Variants in LAMP3 observed in about 807,000 individuals in gnomAD.
The protein encoded by LAMP3 is lysosome associated membrane protein 3.
LAMP3 carries 26 observed loss-of-function variants against 34.8 expected under a neutral mutation model. The observed-to-expected ratio is 0.75, with a 90% CI of 0.55 to 1.04. The LOEUF is 1.04. Among genes scored for constraint, LAMP3 ranks in the 50% least tolerant of loss-of-function variants. The pLI is 0.00. For missense variants in LAMP3, 495 were observed against 524.0 expected (o/e 0.94, Z 0.54); for synonymous variants, 180 against 201.9 (o/e 0.89, Z 0.92).
chr3:183,151,292 G>A (rs532967839), intron 3 of LAMP3, among the ~76,000 whole-genome samples: 103 of 152,292 alleles, frequency 6.8e-4, no homozygotes, highest in African/African-American at 2.4e-3. Flanking sequence ...TGAGGCAAGC[G>A]GGGGCAAGTC....
chr3:183,139,638 C>T (rs551488), intron 4 of LAMP3, among the ~76,000 whole-genome samples: 94,422 of 152,028 alleles, frequency 0.62, 31,115 homozygotes, highest in Non-Finnish European at 0.74. Context: ...TGTCACACTA[C>T]AAAAAAGTGA....
At chr3:183,131,334 T>C (rs1433838104) in intron 5 of LAMP3, among the ~76,000 whole-genome samples, 1 of 152,214 alleles carries the variant, frequency 6.6e-6, no homozygotes, top group Non-Finnish European at 1.5e-5. Context: ...GGCTGGTGAA[T>C]AAACACCTTG....
intron 5 of LAMP3, among the ~76,000 whole-genome samples, chr3:183,127,308 C>A (rs583620): frequency 0.9 from 136,216 of 152,072 alleles, 61,232 homozygotes; most frequent in Middle Eastern, 0.94. Context: ...TACTTTTTAA[C>A]TTTTTTGAAG....
intron 3 of LAMP3, among the ~76,000 whole-genome samples, chr3:183,144,580 A>T (rs992546415): frequency 1.3e-5 from 2 of 152,178 alleles, no homozygotes; most frequent in African/African-American, 2.4e-5. Flanking sequence ...CATGGAAAGT[A>T]CAGATCACTT....
rs550641853 is a variant in LAMP3 at position 183,161,654 on chromosome 3, G to T, written c.49+953C>A. On this transcript the variant is annotated intron_variant, in intron 1 of 5. Coordinates refer to ENST00000265598, the MANE Select transcript of LAMP3 (RefSeq NM_014398.4). ...TCCGCCGGCCTCAGCCTCCCAAAGT[G>T]CTGGGATTGCAGGTGTGAGCCACCA... Among the ~76,000 whole-genome samples the T allele has an allele frequency of 3.9e-5, 6 of 152,268 alleles. No individual in the cohort carries two copies. The East Asian group carries it at 5.8e-4, about 15-fold the overall frequency.
At chr3:183,163,363 C>A (rs1423272045), upstream of LAMP3, among the ~76,000 whole-genome samples, 1 of 150,910 alleles carries the variant, frequency 6.6e-6, no homozygotes, top group Non-Finnish European at 1.5e-5. Context: ...AGTGCAGTGG[C>A]GGGATCTCGG....
Position 183,154,259 on chromosome 3 carries a change from T to G in LAMP3, c.182A>C (p.His61Pro). The change falls in exon 2 of 6, where the codon CAC (histidine) becomes CCC (proline). Residue 61 changes from histidine to proline, a missense_variant. Physicochemically the swap from His to Pro is moderately conservative, Grantham distance 77. Coordinates refer to ENST00000265598, the MANE Select transcript of LAMP3 (RefSeq NM_014398.4). ...CATGAATCTTGCTGCTAAAGTTTGG[T>G]GAGGTGCTTGCTTAGCTGGTTGCTG... The part of the protein sequence containing the change: ...PVQQPAKQAP[H>P]QTLAARFMDG... The G allele has an allele frequency of 6.2e-7, 1 of 1,614,112 alleles. No homozygotes were observed. Among genetic ancestry groups the G allele is most frequent in the Non-Finnish European group, 8.5e-7 (1 of 1,180,008 alleles).
intron 3 of LAMP3, among the ~76,000 whole-genome samples, chr3:183,148,093 G>T (rs891384377): frequency 2.0e-5 from 3 of 152,080 alleles, no homozygotes; most frequent in Admixed American, 2.0e-4. Flanking sequence ...TCAATAAATG[G>T]TGCTAGGAAA....
At chr3:183,141,018 T>C (rs1179726980) in intron 3 of LAMP3, among the ~76,000 whole-genome samples, 1 of 152,222 alleles carries the variant, frequency 6.6e-6, no homozygotes, top group African/African-American at 2.4e-5. Flanking sequence ...TTTCCTTTTA[T>C]TTTTAAGACC....
intron 3 of LAMP3, among the ~76,000 whole-genome samples, chr3:183,146,823 C>A (rs747785338): frequency 9.2e-5 from 14 of 151,828 alleles, no homozygotes; most frequent in South Asian, 4.2e-4. Flanking sequence ...CCACTGTGCC[C>A]GGCCCTCAAA....
intron 4 of LAMP3, among the ~76,000 whole-genome samples, chr3:183,139,181 G>T (rs1392725193): frequency 1.3e-5 from 2 of 152,096 alleles, no homozygotes; most frequent in Non-Finnish European, 2.9e-5. Flanking sequence ...CTTGAGGTCA[G>T]GTGTTTGAAA....
rs755359259 is a variant in LAMP3, at chr3:183,135,853, C to T, written c.981G>A (p.Val327=). 9.3e-6 allele frequency: 15 copies of T among 1,614,056 alleles called. No individual in the cohort carries two copies. The highest frequency in any genetic ancestry group is 8.3e-5 in the Admixed American group (5 of 60,020). The part of the protein sequence containing the change: ...TIYQGIKHAV[V]MFQTAVGHSF... ...AATGCCCGACTGCTGTCTGGAACAT[C>T]ACCACCGCATGTTTGATTCCTTGGT... is the stretch of plus-strand genomic sequence containing the variant. The change falls in exon 5 of 6, where the codon GTG becomes GTA. Residue 327 remains valine (V), a synonymous_variant. Transcript: ENST00000265598.
intron 4 of LAMP3, among the ~76,000 whole-genome samples, chr3:183,137,838 G>A (rs1056641335): frequency 2.3e-5 from 2 of 87,422 alleles, no homozygotes; most frequent in Admixed American, 2.5e-4. Context: ...TTTTTTTTTT[G>A]AGACAGAGTC....
At position 183,148,644 on chromosome 3, in the gene LAMP3, A is replaced by C. The variant is rs1170919290; in HGVS notation, c.888+3731T>G. Among the ~76,000 whole-genome samples, 5 of 152,232 alleles carry C rather than the reference A, an allele frequency of 3.3e-5. No homozygotes were observed. In the South Asian group the frequency reaches 8.3e-4, roughly 25 times the overall value. On this transcript the variant is annotated intron_variant, in intron 3 of 5. Coordinates refer to ENST00000265598, the MANE Select transcript of LAMP3 (RefSeq NM_014398.4). Reference sequence around the variant, plus strand: ...AAATGCAAATCAAAACTACAATGAGATGTCATCTCACCCCAGTGAAAATGG... The same window carrying C: ...AAATGCAAATCAAAACTACAATGAGCTGTCATCTCACCCCAGTGAAAATGG...
At chr3:183,156,244 C>T (rs1187925258) in intron 1 of LAMP3, among the ~76,000 whole-genome samples, 3 of 152,104 alleles carry the variant, frequency 2.0e-5, no homozygotes, top group African/African-American at 4.8e-5. Flanking sequence ...GCCTGTAATC[C>T]CAGCTACTTG....
intron 1 of LAMP3, among the ~76,000 whole-genome samples, chr3:183,161,334 G>A (rs912696501): frequency 1.3e-5 from 2 of 152,194 alleles, no homozygotes; most frequent in Non-Finnish European, 2.9e-5. Context: ...AACCGGTAAT[G>A]TGGGCATTTT....
intron 2 of LAMP3, 133 bp downstream of exon 2, chr3:183,153,549 C>T (rs988968497): frequency 1.7e-6 from 1 of 579,622 alleles, no homozygotes; most frequent in Non-Finnish European, 3.0e-6. Context: ...AATGGAGCAC[C>T]TTGGAGAGAG....
At position 183,122,559 on chromosome 3, in the gene LAMP3, G is replaced by A. The variant is rs1447489027; in HGVS notation, c.*1522C>T. ...GGGGCTATACACTCAAGAAAGAACAGTTGGTTAGCGAAGTTTCTCTATTAT... is the reference window on the plus strand; with the variant it reads ...GGGGCTATACACTCAAGAAAGAACAATTGGTTAGCGAAGTTTCTCTATTAT... On this transcript the variant is annotated 3_prime_UTR_variant, in exon 6 of 6. Coordinates refer to ENST00000265598, the MANE Select transcript of LAMP3 (RefSeq NM_014398.4). 6.6e-6 allele frequency: 1 copy of A among 152,216 alleles called. No homozygotes were observed. Among genetic ancestry groups the A allele is most frequent in the East Asian group, 1.9e-4 (1 of 5,200 alleles). 9.4% of individuals were successfully genotyped at this position (152,216 alleles called of 1,614,324 possible). A position where few individuals can be genotyped will look rare whatever the true frequency, so the allele number is the denominator to read the frequency against.
intron 1 of LAMP3, among the ~76,000 whole-genome samples, chr3:183,162,240 A>G (rs561570353): frequency 6.6e-6 from 1 of 152,154 alleles, no homozygotes; most frequent in Non-Finnish European, 1.5e-5. Context: ...AAATGGCACA[A>G]TCTGTCAGAC....
Sources: allele counts gnomAD v4.1 joint callset (sites outside exome capture counted in the v4.1 genomes callset), GRCh38; gene constraint gnomAD v4.1.1; transcripts MANE v1.5; gene names NCBI Gene and HGNC (gene_info 2026-07-23, HGNC 2026-07-21).